Variants in WDPCP observed in about 807,000 individuals in gnomAD.
WDPCP encodes WD repeat containing planar cell polarity effector.
WDPCP carries 71 observed loss-of-function variants against 93.1 expected under a neutral mutation model. That is an observed-to-expected ratio of 0.76 (90% CI 0.63 to 0.93). WDPCP has a LOEUF of 0.93. WDPCP is among the 40% of genes least tolerant of loss of function. The pLI is 0.00. For synonymous variants in WDPCP, 315 were observed against 315.0 expected (o/e 1.00, Z 0.00); for missense variants, 844 against 887.4 (o/e 0.95, Z 0.62).
intron 1 of WDPCP, among the ~76,000 whole-genome samples, chr2:63,521,753 T>C (rs1000399931): frequency 6.6e-6 from 1 of 152,118 alleles, no homozygotes; most frequent in Non-Finnish European, 1.5e-5. Flanking sequence ...GCATAGCACA[T>C]ACTCTAAAAC....
chr2:63,576,780 C>T (rs1198724438), intron 1 of WDPCP, among the ~76,000 whole-genome samples: 1 of 152,160 alleles, frequency 6.6e-6, no homozygotes, highest in African/African-American at 2.4e-5. Flanking sequence ...ATACAAAAAA[C>T]ACTTATCACT....
At chr2:63,169,295 C>T (rs577448671) in intron 15 of WDPCP, among the ~76,000 whole-genome samples, 3 of 152,278 alleles carry the variant, frequency 2.0e-5, no homozygotes, top group Admixed American at 6.5e-5. Flanking sequence ...TTTCTTTTAG[C>T]GTTCATACTT....
At chr2:63,318,311 C>T (rs1028819670) in intron 12 of WDPCP, among the ~76,000 whole-genome samples, 4 of 152,106 alleles carry the variant, frequency 2.6e-5, no homozygotes, top group Admixed American at 2.6e-4. Context: ...CTTATACACC[C>T]CTACTGGCAA....
At chr2:63,431,847 G>C (rs1211969297) in intron 9 of WDPCP, among the ~76,000 whole-genome samples, 1 of 151,928 alleles carries the variant, frequency 6.6e-6, no homozygotes, top group Admixed American at 6.6e-5. Context: ...AGAAAAAAAT[G>C]AATTATATAT....
chr2:63,128,429 T>C (rs1489283435), intron 17 of WDPCP, among the ~76,000 whole-genome samples: 1 of 152,178 alleles, frequency 6.6e-6, no homozygotes, highest in East Asian at 1.9e-4. Context: ...GGTAACTAGA[T>C]CACTAGTGGT....
chr2:63,792,273 G>C (rs936087724), intron 2 of WDPCP, among the ~76,000 whole-genome samples: 7 of 152,196 alleles, frequency 4.6e-5, no homozygotes, highest in Admixed American at 2.0e-4. Context: ...AAAGAAAGCA[G>C]TCATGTTTTA....
chr2:63,492,929 G>T lies in WDPCP; in HGVS notation c.87C>A (p.Ser29=). 1 of 1,613,348 alleles carries T rather than the reference G, an allele frequency of 6.2e-7. No individual in the cohort carries two copies. Among genetic ancestry groups the T allele is most frequent in the Non-Finnish European group, 8.5e-7 (1 of 1,179,814 alleles). The stretch of plus-strand genomic sequence containing the variant: ...AGCAGAAAGACATCTGATGGCAGAA[G>T]GAATCTCTATCCTGTTTAAAAAATA... ...SSPLPRQDRD[S]FCHQMSFCLT... Residue 29 remains serine, a synonymous_variant, in exon 2 of 18, where the codon TCC becomes TCA. Transcript: ENST00000272321.
intron 2 of WDPCP, among the ~76,000 whole-genome samples, chr2:63,786,314 A>C (rs1354287231): frequency 1.3e-5 from 2 of 152,064 alleles, no homozygotes; most frequent in African/African-American, 2.4e-5. Context: ...ACTCGGCCTC[A>C]TTTTGTTTTT....
At chr2:63,607,773 T>C (rs1420574730) in intron 3 of WDPCP, among the ~76,000 whole-genome samples, 1 of 136,888 alleles carries the variant, frequency 7.3e-6, no homozygotes, top group Non-Finnish European at 1.5e-5. Flanking sequence ...GAGCTTGCTG[T>C]GAGCAGATGG....
chr2:63,664,084 T>C, intron 2 of WDPCP, among the ~76,000 whole-genome samples: 1 of 152,184 alleles, frequency 6.6e-6, no homozygotes. Context: ...TCAATATCAT[T>C]TTTAGAACAT....
intron 2 of WDPCP, among the ~76,000 whole-genome samples, chr2:63,809,492 T>C (rs1163285136): frequency 3.3e-5 from 5 of 152,186 alleles, no homozygotes; most frequent in African/African-American, 9.7e-5. Context: ...GGGGAAAAGA[T>C]TGAGAAATCG....
intron 10 of WDPCP, 77 bp downstream of exon 10, chr2:63,403,971 A>G: frequency 6.3e-7 from 1 of 1,585,758 alleles, no homozygotes; most frequent in Non-Finnish European, 8.6e-7. Context: ...CTACATTCTA[A>G]GAATAGTTTT....
chr2:63,534,837 C>T (rs1169500712), intron 1 of WDPCP, among the ~76,000 whole-genome samples: 1 of 152,146 alleles, frequency 6.6e-6, no homozygotes, highest in Non-Finnish European at 1.5e-5. Flanking sequence ...TCCTATTCAA[C>T]ATAGTGTTGG....
intron 2 of WDPCP, among the ~76,000 whole-genome samples, chr2:63,681,487 G>A (rs1426705327): frequency 6.6e-6 from 1 of 152,192 alleles, no homozygotes; most frequent in Non-Finnish European, 1.5e-5. Context: ...GAGTGGGAAG[G>A]ACTGCATCTT....
chr2:63,288,993 A>G (rs1189591080), intron 13 of WDPCP, among the ~76,000 whole-genome samples: 1 of 152,074 alleles, frequency 6.6e-6, no homozygotes, highest in African/African-American at 2.4e-5. Flanking sequence ...TTACTGCAAT[A>G]TATGAGGTGA....
intron 2 of WDPCP, among the ~76,000 whole-genome samples, chr2:63,761,109 C>G (rs762002405): frequency 2.0e-5 from 3 of 152,182 alleles, no homozygotes; most frequent in African/African-American, 4.8e-5. Context: ...ATCCCAAATG[C>G]AACAACGTTG....
intron 6 of WDPCP, among the ~76,000 whole-genome samples, chr2:63,473,821 A>G (rs541710801): frequency 2.0e-5 from 3 of 152,168 alleles, no homozygotes; most frequent in South Asian, 2.1e-4. Flanking sequence ...TGTGTGTTCC[A>G]TATCTTACTG....
chr2:63,831,892 T>A (rs1472865931), upstream of WDPCP, among the ~76,000 whole-genome samples: 2 of 152,198 alleles, frequency 1.3e-5, no homozygotes, highest in African/African-American at 4.8e-5. Flanking sequence ...GAATACAGTT[T>A]ACAGGTGAAA....
rs184467591 is a variant in WDPCP, at chr2:63,821,855, C to G, written n.222+5767G>C. 4.1e-3 allele frequency among the ~76,000 whole-genome samples: 620 copies of G among 152,214 alleles called. 22 individuals are homozygous for G. Among genetic ancestry groups the G allele is most frequent in the Admixed American group, 0.038 (579 of 15,284 alleles). ...AGGATTTCAGAAAAAAATACACACACAAACGCACACTTAAGGTATGAAGTT... is the reference window on the plus strand; with the variant it reads ...AGGATTTCAGAAAAAAATACACACAGAAACGCACACTTAAGGTATGAAGTT... On this transcript the variant is annotated intron_variant and non_coding_transcript_variant, in intron 1 of 4. Transcript: ENST00000467687.
Sources: allele counts gnomAD v4.1 joint callset (sites outside exome capture counted in the v4.1 genomes callset), GRCh38; gene constraint gnomAD v4.1.1; transcripts MANE v1.5; gene names NCBI Gene and HGNC (gene_info 2026-07-23, HGNC 2026-07-21).